Variants in ANTXR2 observed in about 807,000 individuals in gnomAD.
ANTXR2 encodes the protein anthrax toxin receptor 2.
Under a neutral mutation model 73.7 loss-of-function variants are expected in ANTXR2, and 44 were observed. The observed-to-expected ratio is 0.60, with a 90% CI of 0.47 to 0.77. The LOEUF (loss-of-function observed/expected upper bound fraction) is 0.77, where lower values mean the gene tolerates loss of function less well. Ranked by LOEUF, ANTXR2 falls within the 30% of genes least tolerant of loss-of-function variation. The pLI, the probability that ANTXR2 is intolerant of heterozygous loss-of-function variation, is 0.00. For synonymous variants in ANTXR2, 217 were observed against 205.9 expected, an observed-to-expected ratio of 1.05 and a Z score of -0.46; for missense variants, 604 against 592.5, an observed-to-expected ratio of 1.02 and a Z score of -0.20.
intron 8 of ANTXR2, among the ~76,000 whole-genome samples, chr4:80,034,266 A>G (rs1470209741): frequency 1.3e-5 from 2 of 152,146 alleles, no homozygotes; most frequent in African/African-American, 4.8e-5. Context: ...AAGTTAACTG[A>G]TCAAATATCT....
intron 16 of ANTXR2, among the ~76,000 whole-genome samples, chr4:79,918,085 TTTGA>T (rs1219376522): frequency 6.6e-6 from 1 of 151,918 alleles, no homozygotes; most frequent in Admixed American, 6.6e-5. Context: ...AAAAAATGTA[TTTGA>T]TTGGTGTTAA....
chr4:80,058,701 A>C (rs946513883), intron 3 of ANTXR2, among the ~76,000 whole-genome samples: 3 of 151,822 alleles, frequency 2.0e-5, no homozygotes, highest in African/African-American at 4.8e-5. Context: ...CCTCTAAATG[A>C]AAGCGAAAAT....
At position 80,072,594 on chromosome 4, in the gene ANTXR2, C is replaced by T. The variant is rs781677190; in HGVS notation, c.-34G>A. The stretch of plus-strand genomic sequence containing the variant: ...CGGGGGCCTGAGACTCCCTCCCGCT[C>T]GCAGTCCCCTAAGCTCAGGAGGGTC... On this transcript the variant is annotated 5_prime_UTR_variant, in exon 1 of 17. Coordinates refer to ENST00000403729, the MANE Select transcript of ANTXR2 (RefSeq NM_058172.6). 8 of 1,483,244 alleles carry T rather than the reference C, an allele frequency of 5.4e-6. No homozygotes were observed. Among genetic ancestry groups the T allele is most frequent in the Middle Eastern group, 2.3e-4 (1 of 4,322 alleles). 91.9% of individuals were successfully genotyped at this position (1,483,244 alleles called of 1,614,324 possible). A position where few individuals can be genotyped will look rare whatever the true frequency, so the allele number is the denominator to read the frequency against.
At position 80,006,384 on chromosome 4, in the gene ANTXR2, C is replaced by A. The variant is rs142144052; in HGVS notation, c.1041+2137G>T. On this transcript the variant is annotated intron_variant, in intron 12 of 16. Coordinates refer to ENST00000403729, the MANE Select transcript of ANTXR2 (RefSeq NM_058172.6). The stretch of plus-strand genomic sequence containing the variant: ...CTCTCCTTTCTTCCTGCTTTAAAAT[C>A]TACTTTAGAAAACGTTTGCTATCAT... Among the ~76,000 whole-genome samples, 533 of 151,862 alleles carry A rather than the reference C, an allele frequency of 3.5e-3. 1 individual carries two copies. Among genetic ancestry groups the A allele is most frequent in the Non-Finnish European group, 5.5e-3 (371 of 67,960 alleles).
rs142066043 is a variant in ANTXR2, at chr4:79,961,656, T to C, written c.1428+15965A>G. On this transcript the variant is annotated intron_variant, in intron 16 of 16. Transcript: ENST00000403729. ...GGTCTCCCTATGTTGCCCAGGCTGG[T>C]CTCAAACTCCAGGACTCAAGGGATT... 5.8e-3 allele frequency among the ~76,000 whole-genome samples: 878 copies of C among 152,158 alleles called. 5 individuals carry two copies. Among genetic ancestry groups the C allele is most frequent in the African/African-American group, 0.02 (826 of 41,512 alleles).
intron 12 of ANTXR2, 45 bp downstream of exon 12, chr4:80,008,476 C>T (rs1731413262): frequency 1.4e-6 from 2 of 1,470,392 alleles, no homozygotes; most frequent in African/African-American, 2.8e-5. Flanking sequence ...TACTTTACAT[C>T]TTTCTAATTT....
chr4:79,954,400 A>G (rs972028808), intron 16 of ANTXR2, among the ~76,000 whole-genome samples: 15 of 152,218 alleles, frequency 9.9e-5, no homozygotes, highest in African/African-American at 3.4e-4. Flanking sequence ...TTTGATAATT[A>G]GAGTAACATG....
intron 16 of ANTXR2, among the ~76,000 whole-genome samples, chr4:79,946,803 T>C (rs1728533208): frequency 6.6e-6 from 1 of 152,234 alleles, no homozygotes; most frequent in East Asian, 1.9e-4. Flanking sequence ...ATTGGAGACA[T>C]TTATTTGTTT....
At chr4:79,992,391 C>G (rs1730513669) in intron 12 of ANTXR2, among the ~76,000 whole-genome samples, 1 of 151,780 alleles carries the variant, frequency 6.6e-6, no homozygotes, top group African/African-American at 2.4e-5. Context: ...AAAAAATACA[C>G]AGACAATAAT....
intron 16 of ANTXR2, among the ~76,000 whole-genome samples, chr4:79,973,092 G>T (rs1354820702): frequency 2.6e-5 from 4 of 151,794 alleles, no homozygotes; most frequent in African/African-American, 9.7e-5. Flanking sequence ...AAAAGAAGAA[G>T]GAAGGAAGGA....
chr4:79,921,864 G>A lies in ANTXR2; in HGVS notation c.1429-14397C>T, dbSNP rs577833460. Among the ~76,000 whole-genome samples, 13 of 151,688 alleles carry A rather than the reference G, an allele frequency of 8.6e-5. 1 individual carries two copies. Among genetic ancestry groups the A allele is most frequent in the African/African-American group, 2.9e-4 (12 of 41,290 alleles). On this transcript the variant is annotated intron_variant, in intron 16 of 16. Transcript: ENST00000403729. ...ATATATATTCAATTTTTGGACAATC[G>A]ATTTATGCCTTAGGTATTTTTATTA...
At chr4:80,049,391 G>C (rs1218512411) in intron 7 of ANTXR2, among the ~76,000 whole-genome samples, 1 of 151,516 alleles carries the variant, frequency 6.6e-6, no homozygotes, top group Non-Finnish European at 1.5e-5. Context: ...ACCTTCCCAA[G>C]AACACAAAAA....
At chr4:80,053,431 C>T (rs935610942) in intron 7 of ANTXR2, among the ~76,000 whole-genome samples, 1 of 151,626 alleles carries the variant, frequency 6.6e-6, no homozygotes, top group African/African-American at 2.4e-5. Flanking sequence ...CAATAAATCT[C>T]ATTTTGTGTT....
chr4:80,048,468 G>T (rs1040565775), intron 7 of ANTXR2, among the ~76,000 whole-genome samples: 12 of 151,602 alleles, frequency 7.9e-5, no homozygotes, highest in African/African-American at 2.9e-4. Flanking sequence ...CTGAAAATTG[G>T]TTTCCAGTTT....
intron 16 of ANTXR2, among the ~76,000 whole-genome samples, chr4:79,925,712 C>T (rs574587655): frequency 6.6e-6 from 1 of 152,104 alleles, no homozygotes; most frequent in South Asian, 2.1e-4. Flanking sequence ...AAAATAACAC[C>T]TTTACAAATC....
At chr4:79,936,581 G>C (rs1390153155) in intron 16 of ANTXR2, among the ~76,000 whole-genome samples, 1 of 152,072 alleles carries the variant, frequency 6.6e-6, no homozygotes, top group Non-Finnish European at 1.5e-5. Flanking sequence ...CCTGATGGGA[G>C]AAATTAGTGA....
chr4:80,024,684 C>A (rs1352291384), intron 10 of ANTXR2: 2 of 452,942 alleles, frequency 4.4e-6, no homozygotes, highest in African/African-American at 2.0e-5. Flanking sequence ...ATCACCTGAG[C>A]CAGAAAGGCC....
At chr4:80,032,902 C>A (rs1371810103) in intron 9 of ANTXR2, among the ~76,000 whole-genome samples, 1 of 150,968 alleles carries the variant, frequency 6.6e-6, no homozygotes, top group Non-Finnish European at 1.5e-5. Context: ...CAAAACTATG[C>A]TGGGTGAGAA....
intron 14 of ANTXR2, among the ~76,000 whole-genome samples, chr4:79,978,943 A>G (rs1327078584): frequency 6.6e-6 from 1 of 152,224 alleles, no homozygotes; most frequent in Admixed American, 6.5e-5. Context: ...TATAGTGTTC[A>G]GCCTTTAGTT....
Sources: allele counts gnomAD v4.1 joint callset (sites outside exome capture counted in the v4.1 genomes callset), GRCh38; gene constraint gnomAD v4.1.1; transcripts MANE v1.5; gene names NCBI Gene and HGNC (gene_info 2026-07-23, HGNC 2026-07-21).